Variants in EXTL3 observed in about 807,000 individuals in gnomAD.
EXTL3 encodes exostosin like glycosyltransferase 3.
In EXTL3, 27 loss-of-function variants were observed where a neutral mutation model predicts 69.3. The ratio of observed to expected loss-of-function variants is 0.39; its 90% CI spans 0.29 to 0.54. The LOEUF (loss-of-function observed/expected upper bound fraction) is 0.54. Among genes scored for constraint, EXTL3 ranks in the 20% least tolerant of loss-of-function variants. EXTL3 has a pLI of 0.69. For synonymous variants in EXTL3, 511 were observed against 499.4 expected (o/e 1.02, Z -0.31); for missense variants, 1,003 against 1,231.8 (o/e 0.81, Z 2.78).
At chr8:28,660,339 G>A (rs1033363131) in intron 1 of EXTL3, among the ~76,000 whole-genome samples, 7 of 151,882 alleles carry the variant, frequency 4.6e-5, no homozygotes, top group Admixed American at 3.9e-4. Context: ...ACTCCAGCCC[G>A]GGCGACAGAG....
chr8:28,694,532 T>C (rs1800658125), intron 1 of EXTL3, among the ~76,000 whole-genome samples: 2 of 152,250 alleles, frequency 1.3e-5, no homozygotes, highest in South Asian at 4.1e-4. Flanking sequence ...GCTCTGGAGT[T>C]AGACTGTCAG....
At chr8:28,673,383 G>A (rs1472157712) in intron 1 of EXTL3, among the ~76,000 whole-genome samples, 1 of 152,178 alleles carries the variant, frequency 6.6e-6, no homozygotes, top group Non-Finnish European at 1.5e-5. Context: ...TCCCTAATGT[G>A]AGCAGGCATC....
chr8:28,700,509 GC>G (rs1221166701), upstream of EXTL3: 3 of 152,142 alleles, frequency 2.0e-5, no homozygotes, highest in Non-Finnish European at 4.4e-5. Context: ...GTCGGCAGCT[GC>G]GAGCCTGTCT....
Position 28,718,070 on chromosome 8 carries a change from G to T in EXTL3, c.2011G>T (p.Glu671Ter). The T allele has an allele frequency of 6.2e-7, 1 of 1,613,910 alleles. No homozygotes were observed. Among genetic ancestry groups the T allele is most frequent in the Non-Finnish European group, 8.5e-7 (1 of 1,179,962 alleles). The change falls in exon 3 of 7, where the codon GAG becomes TAG. Residue 671 changes from glutamate to a stop codon, truncating the protein, a stop_gained. Coordinates refer to ENST00000220562, the MANE Select transcript of EXTL3 (RefSeq NM_001440.4). LOFTEE classifies it high-confidence loss of function. The part of the protein sequence containing the change: ...EQFTVVMLTY[E>*]REEVLMNSLE... ...GTTCACGGTGGTGATGTTGACTTAT[G>T]AGCGGGAGGAAGTGCTTATGAACTC... is the stretch of plus-strand genomic sequence containing the variant.
intron 1 of EXTL3, among the ~76,000 whole-genome samples, chr8:28,687,163 C>T (rs1807590871): frequency 6.6e-6 from 1 of 152,160 alleles, no homozygotes; most frequent in African/African-American, 2.4e-5. Context: ...AAGCTGGAAA[C>T]TTGAGAAAAT....
chr8:28,690,642 G>C, intron 1 of EXTL3, among the ~76,000 whole-genome samples: 1 of 152,166 alleles, frequency 6.6e-6, no homozygotes. Context: ...ACTGGGGCTG[G>C]AGGATCTGTT....
intron 1 of EXTL3, among the ~76,000 whole-genome samples, chr8:28,702,343 G>A (rs1010078294): frequency 4.6e-5 from 7 of 152,202 alleles, no homozygotes; most frequent in African/African-American, 1.4e-4. Flanking sequence ...GGGCTGGACC[G>A]GACAGGGGTG....
chr8:28,729,193 G>T (rs1801478128), intron 3 of EXTL3, among the ~76,000 whole-genome samples: 1 of 151,416 alleles, frequency 6.6e-6, no homozygotes, highest in African/African-American at 2.4e-5. Context: ...TACTTGGGAG[G>T]CTGAGGCAGG....
chr8:28,725,291 C>T lies in EXTL3; in HGVS notation c.2149-5932C>T, dbSNP rs114434460. On this transcript the variant is annotated intron_variant, in intron 3 of 6. Transcript: ENST00000220562. ...TGTGATAGGAGAAGGTCAAGGGTCC[C>T]GTGAATGATATTGTGCAGAAGAGCT... 1.5e-3 allele frequency among the ~76,000 whole-genome samples: 230 copies of T among 152,076 alleles called. 2 individuals are homozygous for T. Among genetic ancestry groups the T allele is most frequent in the African/African-American group, 4.9e-3 (202 of 41,442 alleles).
intron 6 of EXTL3, 49 bp downstream of exon 6, chr8:28,743,263 A>G: frequency 6.2e-7 from 1 of 1,611,992 alleles, no homozygotes; most frequent in Non-Finnish European, 8.5e-7. Flanking sequence ...TGTTTACTTC[A>G]CTTGTTTTGC....
At chr8:28,746,861 A>C (rs1424567151) in intron 6 of EXTL3, among the ~76,000 whole-genome samples, 2 of 152,160 alleles carry the variant, frequency 1.3e-5, no homozygotes. Flanking sequence ...TTTTTAGTAG[A>C]GAAGGGGTTT....
At chr8:28,683,139 A>G (rs996492596) in intron 1 of EXTL3, among the ~76,000 whole-genome samples, 1 of 152,180 alleles carries the variant, frequency 6.6e-6, no homozygotes, top group Non-Finnish European at 1.5e-5. Context: ...TCATAGCAGT[A>G]CCATGCTATT....
intron 1 of EXTL3, chr8:28,685,942 T>A (rs923604611): frequency 1.1e-4 from 16 of 152,066 alleles, no homozygotes; most frequent in African/African-American, 3.4e-4. Flanking sequence ...TCGCCTCACC[T>A]ACAACCTCCG....
chr8:28,685,610 A>G (rs566536760), intron 1 of EXTL3, among the ~76,000 whole-genome samples: 1 of 152,130 alleles, frequency 6.6e-6, no homozygotes, highest in Admixed American at 6.5e-5. Flanking sequence ...TTACAGGCAC[A>G]AACCACCCTG....
chr8:28,610,744 C>CG (rs1806260345), intron 2 of EXTL3, among the ~76,000 whole-genome samples: 2 of 138,124 alleles, frequency 1.4e-5, no homozygotes, highest in African/African-American at 5.3e-5. Context: ...AGATCTGTTT[C>CG]TTTTTTTTTT....
intron 1 of EXTL3, among the ~76,000 whole-genome samples, chr8:28,670,240 C>A (rs1169456238): frequency 8.0e-6 from 1 of 124,876 alleles, no homozygotes. Context: ...AGATGGGGGA[C>A]TTTGAGACAG....
upstream of EXTL3, chr8:28,700,905 G>C (rs1161172142): frequency 6.6e-6 from 1 of 152,336 alleles, no homozygotes; most frequent in Non-Finnish European, 1.5e-5. Context: ...TGGCTTTTCA[G>C]CATTGACACG....
At chr8:28,658,269 C>G (rs2130616213) in intron 1 of EXTL3, among the ~76,000 whole-genome samples, 1 of 152,098 alleles carries the variant, frequency 6.6e-6, no homozygotes, top group Admixed American at 6.5e-5. Flanking sequence ...GATATTTTTT[C>G]ATTATTCTCT....
chr8:28,732,844 C>T (rs1801567307), intron 4 of EXTL3, among the ~76,000 whole-genome samples: 1 of 152,146 alleles, frequency 6.6e-6, no homozygotes, highest in African/African-American at 2.4e-5. Flanking sequence ...TCATGTCAGC[C>T]TCCCGAGTAG....
Sources: gnomAD v4.1 joint callset for allele counts (sites outside exome capture counted in the v4.1 genomes callset) on GRCh38, gnomAD v4.1.1 for gene constraint, MANE v1.5 for transcripts, NCBI Gene and HGNC (gene_info 2026-07-23, HGNC 2026-07-21) for gene names.